SETD1B: variants seen among roughly 807,000 people sequenced by gnomAD.
SETD1B encodes SET domain containing 1B, histone lysine methyltransferase, also known as histone-lysine N-methyltransferase SETD1B.
Under a neutral mutation model 148.0 loss-of-function variants are expected in SETD1B, and 7 were observed. The ratio of observed to expected loss-of-function variants is 0.05; its 90% CI spans 0.03 to 0.09. SETD1B has a LOEUF of 0.09. SETD1B is among the 10% of genes least tolerant of loss of function. The pLI is 1.00. For synonymous variants in SETD1B, 1,361 were observed against 1,186.5 expected (o/e 1.15, Z -3.02); for missense variants, 2,155 against 2,729.9 (o/e 0.79, Z 4.69).
At position 121,822,945 on chromosome 12, in the gene SETD1B, G is replaced by A. The variant is rs1480215067; in HGVS notation, c.4366G>A (p.Asp1456Asn). Residue 1456 changes from aspartate (D) to asparagine (N), a missense_variant, in exon 12 of 17, where the codon GAT becomes AAT. Physicochemically the swap from Asp to Asn is conservative, Grantham distance 23. Transcript: ENST00000604567. Reference protein sequence around the residue: ...PVCPLPTGRRDERSGPLASPV... With the variant: ...PVCPLPTGRRNERSGPLASPV... The stretch of plus-strand genomic sequence containing the variant: ...CTGCCCACTCCCCACTGGCCGACGC[G>A]ATGAACGCTCCGGGCCCCTGGCCTC... 27 of 1,537,910 alleles carry A rather than the reference G, an allele frequency of 1.8e-5. No individual in the cohort carries two copies. The highest frequency in any genetic ancestry group is 4.0e-5 in the Admixed American group (2 of 50,006).
At position 121,819,834 on chromosome 12, in the gene SETD1B, T is replaced by C; in HGVS notation, c.3849T>C (p.Ser1283=). ...GCCAGGAAGGGGCCATGTTGCTGTCTCCAGAGCCCCCTGCCAAGGAGGTGG... is the reference window on the plus strand; with the variant it reads ...GCCAGGAAGGGGCCATGTTGCTGTCCCCAGAGCCCCCTGCCAAGGAGGTGG... ...GLSQEGAMLL[S]PEPPAKEVEA... is the part of the protein sequence containing the mutation. Residue 1283 remains serine, a synonymous_variant, in exon 11 of 17, where the codon TCT becomes TCC. Transcript: ENST00000604567. The C allele has an allele frequency of 6.4e-7, 1 of 1,551,394 alleles. No individual in the cohort carries two copies.
rs1449184549 is a variant in SETD1B, at chr12:121,822,519, C to G, written c.3940C>G (p.Pro1314Ala). ...TGACCTGGAAGTGGAGCCGGAGCCC[C>G]CTATGATGCTCCCCTTGCCGCTGCA... ...EHDLEVEPEP[P>A]MMLPLPLQPP... The change falls in exon 12 of 17, where the codon CCT becomes GCT. Residue 1314 changes from proline to alanine, a missense_variant. This residue lies in a region of SETD1B where 862 missense variants were observed against 873.8 expected (regional missense o/e 0.99). Transcript: ENST00000604567. 1.9e-6 allele frequency: 3 copies of G among 1,549,762 alleles called. No individual in the cohort carries two copies. Among genetic ancestry groups the G allele is most frequent in the Middle Eastern group, 1.7e-4 (1 of 5,980 alleles).
upstream of SETD1B, chr12:121,802,526 T>C (rs1166976737): frequency 6.6e-6 from 1 of 152,116 alleles, no homozygotes; most frequent in Non-Finnish European, 1.5e-5. Context: ...AAACTAGATA[T>C]ATTTAAAAAT....
chr12:121,790,766 C>A, the SETD1B span, among the ~76,000 whole-genome samples: 1 of 152,218 alleles, frequency 6.6e-6, no homozygotes, highest in African/African-American at 2.4e-5. Context: ...ATAGATCTCC[C>A]CGCTGCAGCA....
In SETD1B at chr12:121,827,596, G is replaced by C. The variant is rs2137589086; in HGVS notation, c.5415G>C (p.Leu1805=). The stretch of plus-strand genomic sequence containing the variant: ...GGCGTTCGGAGCAGCGCCGCCTGCT[G>C]TCCTCCTTCACTGGCAGCTGTGACA... ...SERRSEQRRL[L]SSFTGSCDSD... The change falls in exon 14 of 17, where the codon CTG becomes CTC. Residue 1805 remains leucine, a synonymous_variant. Transcript: ENST00000604567. The C allele has an allele frequency of 6.4e-7, 1 of 1,551,308 alleles. No individual in the cohort carries two copies. Among genetic ancestry groups the C allele is most frequent in the African/African-American group, 1.4e-5 (1 of 73,186 alleles).
In SETD1B at chr12:121,804,061, C is replaced by G. The variant is rs1592971471; in HGVS notation, c.-187C>G. On this transcript the variant is annotated 5_prime_UTR_variant, in exon 1 of 17. Transcript: ENST00000604567. The surrounding 1 kb of genome is among the most constrained non-coding windows in gnomAD (Gnocchi z 4.6). ...GCCGAGCCTCCGCCGCCAGCCGCCT[C>G]CCGGGCAGCAGCAGCAGCAGCGGCG... 6.5e-6 allele frequency: 1 copy of G among 153,212 alleles called. No homozygotes were observed. Among genetic ancestry groups the G allele is most frequent in the East Asian group, 1.9e-4 (1 of 5,194 alleles). The allele number at this position is 153,212 out of a possible 1,614,324, so 9.5% of individuals were successfully genotyped here. A position where few individuals can be genotyped will look rare whatever the true frequency, so the allele number is the denominator to read the frequency against.
At position 121,828,087 on chromosome 12, in the gene SETD1B, G is replaced by A. The variant is rs1293409842; in HGVS notation, c.5727+17G>A. The A allele has an allele frequency of 6.4e-7, 1 of 1,551,262 alleles. No homozygotes were observed. The highest frequency in any genetic ancestry group is 8.7e-7 in the Non-Finnish European group (1 of 1,146,862). ...AGCTGCAACGTGAGTGCCCAGCGGGGGGTGGCCCCTGCCCCTGCTCCTGCC... is the reference window on the plus strand; with the variant it reads ...AGCTGCAACGTGAGTGCCCAGCGGGAGGTGGCCCCTGCCCCTGCTCCTGCC... On this transcript the variant is annotated intron_variant, in intron 16 of 16. Transcript: ENST00000604567.
intron 10 of SETD1B, 113 bp downstream of exon 10, chr12:121,818,017 G>T: frequency 6.5e-6 from 7 of 1,083,058 alleles, no homozygotes; most frequent in Non-Finnish European, 9.1e-6. Context: ...CTTTTGAGAC[G>T]TTACCTTGTT....
chr12:121,790,549 G>C, the SETD1B span, among the ~76,000 whole-genome samples: 11 of 152,240 alleles, frequency 7.2e-5, no homozygotes, highest in Admixed American at 7.2e-4. Context: ...GACAAGCACT[G>C]GGACCTGGGC....
chr12:121,800,571 G>A (rs540160385), upstream of SETD1B: 1 of 151,646 alleles, frequency 6.6e-6, no homozygotes, highest in Admixed American at 6.6e-5. Context: ...GGACAAAGAC[G>A]AAAGAGGGAA....
chr12:121,821,184 G>A (rs946768700), intron 11 of SETD1B, among the ~76,000 whole-genome samples: 1 of 152,118 alleles, frequency 6.6e-6, no homozygotes, highest in Admixed American at 6.5e-5. Flanking sequence ...CCTCTATTGT[G>A]TCCCTGCTAT....
At chr12:121,792,227 G>T in the SETD1B span, among the ~76,000 whole-genome samples, 4 of 152,210 alleles carry the variant, frequency 2.6e-5, no homozygotes, top group Non-Finnish European at 5.9e-5. Context: ...CACAAGGCTT[G>T]GCTGGCCGGA....
In SETD1B at chr12:121,817,436, A is replaced by G. The variant is rs1452632374; in HGVS notation, c.3044A>G (p.Lys1015Arg). The G allele has an allele frequency of 1.9e-6, 3 of 1,544,444 alleles. No homozygotes were observed. In the African/African-American group the frequency reaches 4.1e-5, roughly 21 times the overall value. Reference protein sequence around the residue: ...TPCELAKRDPKGVGVRRRPAR... With the variant: ...TPCELAKRDPRGVGVRRRPAR... Reference sequence around the variant, plus strand: ...TGTGAGCTCGCCAAGCGGGACCCCAAGGGCGTGGGTGTGCGGCGGCGGCCG... The same window carrying G: ...TGTGAGCTCGCCAAGCGGGACCCCAGGGGCGTGGGTGTGCGGCGGCGGCCG... The change falls in exon 9 of 17, where the codon AAG becomes AGG. Residue 1015 changes from lysine to arginine, a missense_variant. Lys to Arg is a conservative substitution (Grantham distance 26). Transcript: ENST00000604567. The surrounding 1 kb of genome is among the most constrained non-coding windows in gnomAD (Gnocchi z 8.1).
At chr12:121,801,965 C>A (rs1174934339), upstream of SETD1B, 1 of 152,154 alleles carries the variant, frequency 6.6e-6, no homozygotes, top group African/African-American at 2.4e-5. Flanking sequence ...GACTTGTTTT[C>A]CAGTTTTAAT....
At chr12:121,795,198 TCAGG>T in the SETD1B span, 1 of 151,862 alleles carries the variant, frequency 6.6e-6, no homozygotes, top group Non-Finnish European at 1.5e-5. Context: ...GACGCCCTCT[TCAGG>T]CACTGGGCAA....
At chr12:121,829,207 T>C (rs971416366) in intron 16 of SETD1B, among the ~76,000 whole-genome samples, 29 of 152,092 alleles carry the variant, frequency 1.9e-4, no homozygotes, top group African/African-American at 6.0e-4. Context: ...TGCTATCCCT[T>C]TGGAAACGTT....
Position 121,805,902 on chromosome 12 carries a change from T to C in SETD1B, c.341T>C (p.Ile114Thr). The change falls in exon 4 of 17, where the codon ATC becomes ACC. Residue 114 changes from isoleucine (I) to threonine (T), a missense_variant. By Grantham distance (89) the Ile-to-Thr change is moderately conservative. Around this residue, in one of 11 missense-constraint regions of SETD1B, gnomAD observed 124 missense variants for 282.9 expected, o/e 0.44. Transcript: ENST00000604567. The surrounding 1 kb of genome is among the most constrained non-coding windows in gnomAD (Gnocchi z 4.2). ...ACATTTGCCAAGCTGAATGATAACA[T>C]CCGTGAAAACTTCCTGAGGGACATG... ...QVTFAKLNDNIRENFLRDMCK... is the reference protein window; with the variant it reads ...QVTFAKLNDNTRENFLRDMCK... The C allele has an allele frequency of 6.4e-7, 1 of 1,551,502 alleles. No individual in the cohort carries two copies. Among genetic ancestry groups the C allele is most frequent in the African/African-American group, 1.4e-5 (1 of 73,056 alleles).
At chr12:121,819,130 G>A (rs1055027855) in intron 10 of SETD1B, among the ~76,000 whole-genome samples, 11 of 152,034 alleles carry the variant, frequency 7.2e-5, no homozygotes, top group Admixed American at 2.0e-4. Flanking sequence ...TGTAATCCCA[G>A]CTACTTGGGA....
rs574201094 is a variant in SETD1B at position 121,816,927 on chromosome 12, G to C, written c.2716-106G>C. ...GTAGGGAATGAGGATGCAGTTACCTGTGGTGGCTGTTACTGCCGAGTGGAA... is the reference window on the plus strand; with the variant it reads ...GTAGGGAATGAGGATGCAGTTACCTCTGGTGGCTGTTACTGCCGAGTGGAA... On this transcript the variant is annotated intron_variant, in intron 7 of 16. Coordinates refer to ENST00000604567, the MANE Select transcript of SETD1B (RefSeq NM_001353345.2). The C allele has an allele frequency of 3.0e-6, 3 of 989,014 alleles. No individual in the cohort carries two copies. The African/African-American group carries it at 4.9e-5, about 16-fold the overall frequency. 61.3% of individuals were successfully genotyped at this position (989,014 alleles called of 1,614,324 possible). A position where few individuals can be genotyped will look rare whatever the true frequency, so the allele number is the denominator to read the frequency against.
Sources: allele counts gnomAD v4.1 joint callset (sites outside exome capture counted in the v4.1 genomes callset), GRCh38; gene constraint gnomAD v4.1.1; regional missense constraint gnomAD v4.1.1; non-coding constraint Gnocchi (gnomAD v3.1); transcripts MANE v1.5; gene names NCBI Gene and HGNC (gene_info 2026-07-23, HGNC 2026-07-21).